Variants in AGBL4 observed in about 807,000 individuals in gnomAD.
The protein encoded by AGBL4 is cytosolic carboxypeptidase 6.
A neutral mutation model predicts 66.4 loss-of-function variants in AGBL4; 58 were observed. The observed-to-expected ratio is 0.87, with a 90% CI of 0.71 to 1.09. AGBL4 has a LOEUF of 1.09. Ranked by LOEUF, AGBL4 falls within the 50% of genes least tolerant of loss-of-function variation. The probability of loss-of-function intolerance (pLI) is 0.00; values close to 1 mark genes in which losing one functional copy is unlikely to be tolerated. For synonymous variants in AGBL4, 234 were observed against 222.9 expected (o/e 1.05, Z -0.44); for missense variants, 579 against 631.0 (o/e 0.92, Z 0.88).
chr1:49,644,773 T>C (rs1380572287), intron 3 of AGBL4, among the ~76,000 whole-genome samples: 2 of 151,516 alleles, frequency 1.3e-5, no homozygotes, highest in Non-Finnish European at 1.5e-5. Flanking sequence ...CTTGACTCAA[T>C]TGACATTTAT....
chr1:49,804,763 A>G (rs1644939423), intron 2 of AGBL4, among the ~76,000 whole-genome samples: 1 of 152,198 alleles, frequency 6.6e-6, no homozygotes, highest in South Asian at 2.1e-4. Context: ...AAACCTATTA[A>G]TACATTCTGA....
chr1:48,686,649 C>T (rs1646536751), intron 6 of AGBL4, among the ~76,000 whole-genome samples: 2 of 152,166 alleles, frequency 1.3e-5, no homozygotes, highest in Admixed American at 1.3e-4. Context: ...CCAGCCAGGG[C>T]CCCCAAGGAG....
chr1:49,811,910 C>A (rs1290476024), intron 2 of AGBL4, among the ~76,000 whole-genome samples: 1 of 152,138 alleles, frequency 6.6e-6, no homozygotes, highest in Non-Finnish European at 1.5e-5. Flanking sequence ...GAATCCAGAG[C>A]CATCTAATTC....
At chr1:48,839,880 A>T (rs1646760048) in intron 6 of AGBL4, among the ~76,000 whole-genome samples, 1 of 152,104 alleles carries the variant, frequency 6.6e-6, no homozygotes, top group Non-Finnish European at 1.5e-5. Context: ...AACTGCGGCC[A>T]AATTTCTGTA....
intron 2 of AGBL4, among the ~76,000 whole-genome samples, chr1:49,772,946 T>C (rs1251739131): frequency 6.6e-6 from 1 of 152,172 alleles, no homozygotes; most frequent in South Asian, 2.1e-4. Context: ...TCTCTCTCCA[T>C]TTCTTCTTTT....
At chr1:49,098,387 G>A (rs977883156) in intron 4 of AGBL4, among the ~76,000 whole-genome samples, 5 of 152,154 alleles carry the variant, frequency 3.3e-5, no homozygotes, top group African/African-American at 1.2e-4. Flanking sequence ...ACCCAATATA[G>A]CACTGAGAAA....
At chr1:49,027,732 G>A (rs1343429) in intron 5 of AGBL4, among the ~76,000 whole-genome samples, 15,946 of 152,100 alleles carry the variant, frequency 0.1, 1,048 homozygotes, top group East Asian at 0.32. Context: ...TAAGAAATAA[G>A]TCTTCCTTCC....
intron 4 of AGBL4, chr1:49,048,309 A>G (rs1350377703): frequency 6.6e-6 from 1 of 152,152 alleles, no homozygotes; most frequent in African/African-American, 2.4e-5. Context: ...TCTTCCAGCC[A>G]AGTTCTGCAA....
chr1:49,682,702 C>A (rs1021340640), intron 3 of AGBL4, among the ~76,000 whole-genome samples: 4 of 152,112 alleles, frequency 2.6e-5, no homozygotes, highest in Admixed American at 6.6e-5. Flanking sequence ...ATGAGTAGGG[C>A]CCACATTTGA....
chr1:48,728,030 G>A, intron 6 of AGBL4: 3 of 1,607,642 alleles, frequency 1.9e-6, no homozygotes, highest in Non-Finnish European at 8.5e-7. Context: ...GTGCTATTCT[G>A]TCATACAAAC....
chr1:49,244,972 C>A (rs1651522463), intron 4 of AGBL4, among the ~76,000 whole-genome samples: 1 of 151,658 alleles, frequency 6.6e-6, no homozygotes, highest in Non-Finnish European at 1.5e-5. Context: ...ATAAATAACA[C>A]AGGGCACTCC....
intron 4 of AGBL4, among the ~76,000 whole-genome samples, chr1:49,146,869 C>T (rs995501407): frequency 5.3e-5 from 8 of 152,366 alleles, no homozygotes; most frequent in South Asian, 4.1e-4. Flanking sequence ...ATTATGAAGG[C>T]ACAGCCTGGT....
At chr1:49,419,646 G>A (rs992282626) in intron 3 of AGBL4, among the ~76,000 whole-genome samples, 3 of 152,184 alleles carry the variant, frequency 2.0e-5, no homozygotes, top group Admixed American at 6.5e-5. Flanking sequence ...AGCGTAGTAT[G>A]TATTCTATCC....
At chr1:48,797,968 GT>G (rs532687992) in intron 6 of AGBL4, among the ~76,000 whole-genome samples, 134 of 152,244 alleles carry the variant, frequency 8.8e-4, no homozygotes, top group African/African-American at 3.2e-3. Context: ...CATATAATGA[GT>G]TCTTTTTCTC....
intron 12 of AGBL4, among the ~76,000 whole-genome samples, chr1:48,539,434 C>T (rs1042027478): frequency 3.3e-5 from 5 of 152,030 alleles, no homozygotes; most frequent in African/African-American, 1.2e-4. Context: ...TGTGACCATG[C>T]CCTCACTGTC....
Position 49,113,581 on chromosome 1 carries a change from G to A in AGBL4, c.378-67781C>T, listed in dbSNP as rs12064004. 3.4e-3 allele frequency among the ~76,000 whole-genome samples: 514 copies of A among 152,250 alleles called. 8 individuals carry two copies. The highest frequency in any genetic ancestry group is 0.011 in the African/African-American group (455 of 41,556). On this transcript the variant is annotated intron_variant, in intron 4 of 13. Coordinates refer to ENST00000371839, the MANE Select transcript of AGBL4 (RefSeq NM_032785.4). ...AATGTTCTTATTGGCATCTAAAATC[G>A]TAAGGATTTTCTAGAAGGTTTTCAG...
At chr1:48,731,485 T>C (rs897621445) in intron 6 of AGBL4, among the ~76,000 whole-genome samples, 1 of 152,128 alleles carries the variant, frequency 6.6e-6, no homozygotes, top group Admixed American at 6.5e-5. Flanking sequence ...AGAAGAGAAC[T>C]GAGGTAGGCA....
chr1:50,013,117 C>T (rs1042089954), intron 1 of AGBL4, among the ~76,000 whole-genome samples: 2 of 152,060 alleles, frequency 1.3e-5, no homozygotes, highest in African/African-American at 4.8e-5. Context: ...CTGATCTAGT[C>T]AAAATGTAAA....
chr1:49,661,473 T>C (rs1571279005), intron 3 of AGBL4, among the ~76,000 whole-genome samples: 2 of 152,228 alleles, frequency 1.3e-5, no homozygotes, highest in Non-Finnish European at 2.9e-5. Flanking sequence ...ATTAAGAATC[T>C]GGAACTTCCC....
Sources: allele counts gnomAD v4.1 joint callset (sites outside exome capture counted in the v4.1 genomes callset), GRCh38; gene constraint gnomAD v4.1.1; transcripts MANE v1.5; gene names NCBI Gene and HGNC (gene_info 2026-07-23, HGNC 2026-07-21).